NLGN1: variants seen among roughly 807,000 people sequenced by gnomAD.
The protein encoded by NLGN1 is neuroligin-1.
NLGN1 carries 12 observed loss-of-function variants against 65.5 expected under a neutral mutation model. That is an observed-to-expected ratio of 0.18 (90% CI 0.12 to 0.30). NLGN1 has a LOEUF of 0.30. Among genes scored for constraint, NLGN1 ranks in the 10% least tolerant of loss-of-function variants. NLGN1 has a pLI of 1.00. For missense variants in NLGN1, 750 were observed against 1,007.1 expected (o/e 0.74, Z 3.46); for synonymous variants, 350 against 359.5 (o/e 0.97, Z 0.30).
intron 3 of NLGN1, among the ~76,000 whole-genome samples, chr3:173,663,763 C>A (rs1761298080): frequency 6.6e-6 from 1 of 151,850 alleles, no homozygotes; most frequent in Non-Finnish European, 1.5e-5. Flanking sequence ...AGGTCAATGA[C>A]TATAGAAAAT....
chr3:173,921,385 T>G (rs971226010), intron 4 of NLGN1, among the ~76,000 whole-genome samples: 1 of 150,530 alleles, frequency 6.6e-6, no homozygotes, highest in African/African-American at 2.4e-5. Context: ...TTATTTTTTC[T>G]GTGTTCAAGT....
intron 2 of NLGN1, among the ~76,000 whole-genome samples, chr3:173,539,509 A>G (rs1357022277): frequency 5.6e-5 from 8 of 143,178 alleles, no homozygotes; most frequent in African/African-American, 1.8e-4. Context: ...ATGTATATGT[A>G]TGTACATGTA....
chr3:173,699,319 T>A (rs1766749786), intron 3 of NLGN1, among the ~76,000 whole-genome samples: 2 of 152,186 alleles, frequency 1.3e-5, no homozygotes, highest in Non-Finnish European at 2.9e-5. Context: ...TGCACATCCA[T>A]ACAATTTAGG....
intron 3 of NLGN1, among the ~76,000 whole-genome samples, chr3:173,804,387 A>G (rs1474764994): frequency 6.6e-6 from 1 of 152,148 alleles, no homozygotes; most frequent in Non-Finnish European, 1.5e-5. Flanking sequence ...ATAGTTCACA[A>G]ATTCCACTAT....
At chr3:173,534,179 A>G (rs954769284) in intron 2 of NLGN1, among the ~76,000 whole-genome samples, 7 of 152,208 alleles carry the variant, frequency 4.6e-5, no homozygotes, top group African/African-American at 1.2e-4. Context: ...TTCCACAGCT[A>G]TTTTAAAAGA....
chr3:173,978,458 T>C (rs1718017337), intron 4 of NLGN1, among the ~76,000 whole-genome samples: 1 of 151,998 alleles, frequency 6.6e-6, no homozygotes, highest in African/African-American at 2.4e-5. Flanking sequence ...AAGAAACTGG[T>C]AAATGAAGTC....
intron 3 of NLGN1, among the ~76,000 whole-genome samples, chr3:173,713,198 A>C (rs1057413352): frequency 6.6e-6 from 1 of 152,186 alleles, no homozygotes; most frequent in Non-Finnish European, 1.5e-5. Flanking sequence ...TCATTGGTCA[A>C]CTTGACTGTG....
intron 2 of NLGN1, among the ~76,000 whole-genome samples, chr3:173,481,710 A>G (rs1727317991): frequency 6.6e-6 from 1 of 151,908 alleles, no homozygotes; most frequent in Non-Finnish European, 1.5e-5. Flanking sequence ...TTAGATGTTG[A>G]AATTATTCAA....
At chr3:173,929,766 A>G (rs574862158) in intron 4 of NLGN1, among the ~76,000 whole-genome samples, 5 of 148,706 alleles carry the variant, frequency 3.4e-5, no homozygotes, top group Non-Finnish European at 7.4e-5. Flanking sequence ...GTGCAATGGC[A>G]CGATCTTGGC....
At chr3:174,062,215 A>C (rs1737569458) in intron 4 of NLGN1, among the ~76,000 whole-genome samples, 1 of 152,108 alleles carries the variant, frequency 6.6e-6, no homozygotes, top group Non-Finnish European at 1.5e-5. Flanking sequence ...ACTTTTAAGA[A>C]AGCTTTTGAA....
chr3:173,634,659 G>C (rs978303516), intron 3 of NLGN1, among the ~76,000 whole-genome samples: 6 of 152,054 alleles, frequency 3.9e-5, no homozygotes, highest in African/African-American at 1.4e-4. Context: ...TAAATGCATA[G>C]TATTATTTTA....
chr3:173,517,920 G>A (rs1202996094), intron 2 of NLGN1, among the ~76,000 whole-genome samples: 3 of 152,014 alleles, frequency 2.0e-5, no homozygotes, highest in Non-Finnish European at 4.4e-5. Context: ...TACACTAGTG[G>A]ACAACTAGAC....
At chr3:173,931,283 A>G (rs1430213902) in intron 4 of NLGN1, among the ~76,000 whole-genome samples, 1 of 152,142 alleles carries the variant, frequency 6.6e-6, no homozygotes, top group African/African-American at 2.4e-5. Context: ...AGAAGCTAAC[A>G]TCATAAATAT....
At chr3:173,397,579 G>T (rs1322970955), upstream of NLGN1, among the ~76,000 whole-genome samples, 1 of 151,788 alleles carries the variant, frequency 6.6e-6, no homozygotes. Flanking sequence ...CGTCTTCGGA[G>T]CAGATGCATC....
chr3:174,279,012 G>A lies in NLGN1; in HGVS notation c.1011G>A (p.Lys337=). ...AGTTAGTGGAATGCCTACAGAAGAA[G>A]CCTTACAAAGAACTTGTTGACCAAG... Residue 337 remains lysine (K), a synonymous_variant, in exon 6 of 7, where the codon AAG becomes AAA. Transcript: ENST00000457714. This position sits in a 1 kb window ranked among gnomAD's most constrained non-coding sequence, Gnocchi z 4.7. The A allele has an allele frequency of 1.2e-6, 2 of 1,601,748 alleles. No homozygotes were observed. The highest frequency in any genetic ancestry group is 2.2e-5 in the East Asian group (1 of 44,752).
intron 4 of NLGN1, among the ~76,000 whole-genome samples, chr3:174,240,942 A>G (rs892510049): frequency 2.0e-5 from 3 of 151,990 alleles, no homozygotes; most frequent in African/African-American, 7.3e-5. Flanking sequence ...CCACATTTCC[A>G]CCAATTTCCA....
the NLGN1 span, among the ~76,000 whole-genome samples, chr3:174,293,776 T>C: frequency 6.6e-6 from 1 of 151,660 alleles, no homozygotes; most frequent in Non-Finnish European, 1.5e-5. Flanking sequence ...GTAGAAAGAA[T>C]ATCTATACAA....
intron 4 of NLGN1, among the ~76,000 whole-genome samples, chr3:174,110,833 C>T (rs1408872684): frequency 1.3e-5 from 2 of 151,634 alleles, no homozygotes; most frequent in African/African-American, 2.4e-5. Flanking sequence ...CAAAGAAACC[C>T]GAGGTAAAAT....
intron 4 of NLGN1, among the ~76,000 whole-genome samples, chr3:173,883,818 T>TC (rs1316839946): frequency 3.3e-5 from 5 of 149,634 alleles, no homozygotes; most frequent in Admixed American, 1.3e-4. Flanking sequence ...AACTTTCTTT[T>TC]TTTTTTTTTT....
Sources: allele counts gnomAD v4.1 joint callset (sites outside exome capture counted in the v4.1 genomes callset), GRCh38; gene constraint gnomAD v4.1.1; non-coding constraint Gnocchi (gnomAD v3.1); transcripts MANE v1.5; gene names NCBI Gene and HGNC (gene_info 2026-07-23, HGNC 2026-07-21).